Variants in LINGO2 observed in about 807,000 individuals in gnomAD.
LINGO2 encodes the protein leucine-rich repeat and immunoglobulin-like domain-containing nogo receptor-interacting protein 2.
In LINGO2, 14 loss-of-function variants were observed where a neutral mutation model predicts 30.6. The ratio of observed to expected loss-of-function variants is 0.46; its 90% CI spans 0.30 to 0.72. The LOEUF is 0.72. LINGO2 is among the 30% of genes least tolerant of loss of function. LINGO2 has a pLI of 0.07. For synonymous variants in LINGO2, 317 were observed against 288.5 expected (o/e 1.10, Z -1.00); for missense variants, 729 against 751.7 (o/e 0.97, Z 0.35).
intron 4 of LINGO2, among the ~76,000 whole-genome samples, chr9:28,180,276 C>T (rs182145436): frequency 2.0e-4 from 30 of 152,148 alleles, no homozygotes; most frequent in African/African-American, 6.0e-4. Context: ...TATCTTCAAG[C>T]GATAAGGAAG....
chr9:28,497,911 G>T (rs528660403), intron 1 of LINGO2, among the ~76,000 whole-genome samples: 2 of 152,196 alleles, frequency 1.3e-5, no homozygotes, highest in African/African-American at 2.4e-5. Context: ...GCTGGAGTTT[G>T]CTGGAGGTCC....
the LINGO2 span, among the ~76,000 whole-genome samples, chr9:28,701,256 C>A: frequency 4.6e-5 from 7 of 151,846 alleles, no homozygotes; most frequent in African/African-American, 1.5e-4. Flanking sequence ...TAAATGATCT[C>A]CTATGTTATC....
At chr9:28,545,423 C>T (rs191045756) in intron 1 of LINGO2, among the ~76,000 whole-genome samples, 6 of 151,926 alleles carry the variant, frequency 3.9e-5, no homozygotes, top group East Asian at 3.9e-4. Flanking sequence ...GGATGGTTAC[C>T]CATTTGCAAC....
intron 4 of LINGO2, among the ~76,000 whole-genome samples, chr9:28,086,346 ATATT>A (rs1825914239): frequency 6.6e-6 from 1 of 151,986 alleles, no homozygotes. Flanking sequence ...GGAAAAGCCT[ATATT>A]TCATTGTTCT....
the LINGO2 span, among the ~76,000 whole-genome samples, chr9:29,174,899 T>C: frequency 1.3e-5 from 2 of 152,210 alleles, no homozygotes; most frequent in Admixed American, 6.5e-5. Context: ...GTAGTAGTTA[T>C]GGAATGGGCC....
chr9:28,214,300 A>T (rs1260614434), intron 4 of LINGO2, among the ~76,000 whole-genome samples: 1 of 151,642 alleles, frequency 6.6e-6, no homozygotes, highest in Non-Finnish European at 1.5e-5. Flanking sequence ...TAATAGTGAA[A>T]GTTGTACAGG....
At chr9:29,092,951 CATA>C in the LINGO2 span, among the ~76,000 whole-genome samples, 2 of 129,054 alleles carry the variant, frequency 1.5e-5, 1 homozygote, top group Admixed American at 1.6e-4. Flanking sequence ...AGAAAAAAGT[CATA>C]AGATATGCCA....
At chr9:29,020,504 T>A in the LINGO2 span, among the ~76,000 whole-genome samples, 1 of 152,254 alleles carries the variant, frequency 6.6e-6, no homozygotes, top group East Asian at 1.9e-4. Flanking sequence ...CTTCTAAAGA[T>A]CTCTAGAATA....
chr9:28,693,878 A>T, the LINGO2 span, among the ~76,000 whole-genome samples: 2 of 152,056 alleles, frequency 1.3e-5, no homozygotes, highest in Non-Finnish European at 2.9e-5. Flanking sequence ...TGTTGGTGAT[A>T]GCACTTACTG....
the LINGO2 span, among the ~76,000 whole-genome samples, chr9:28,779,965 C>A: frequency 1.3e-5 from 2 of 151,962 alleles, no homozygotes; most frequent in Non-Finnish European, 2.9e-5. Flanking sequence ...GTGTTTAATG[C>A]CTTTTTTCTT....
At chr9:29,040,213 G>A in the LINGO2 span, among the ~76,000 whole-genome samples, 16 of 151,944 alleles carry the variant, frequency 1.1e-4, no homozygotes, top group Non-Finnish European at 8.8e-5. Context: ...AGAGATAGCT[G>A]AATTTGAGTA....
chr9:28,818,455 G>A, the LINGO2 span, among the ~76,000 whole-genome samples: 1 of 152,126 alleles, frequency 6.6e-6, no homozygotes, highest in African/African-American at 2.4e-5. Context: ...TACAATCTAG[G>A]CTCACTGCAA....
the LINGO2 span, among the ~76,000 whole-genome samples, chr9:28,912,707 C>T: frequency 1.3e-5 from 2 of 152,126 alleles, no homozygotes; most frequent in African/African-American, 4.8e-5. Context: ...CTCCTTATTA[C>T]CTCAGTCTTG....
intron 3 of LINGO2, among the ~76,000 whole-genome samples, chr9:28,304,116 T>C (rs1004940118): frequency 6.6e-6 from 1 of 152,058 alleles, no homozygotes; most frequent in African/African-American, 2.4e-5. Flanking sequence ...TTGTGAGATG[T>C]GGATCTCCTT....
the LINGO2 span, among the ~76,000 whole-genome samples, chr9:28,900,934 A>C: frequency 1.3e-5 from 2 of 152,244 alleles, no homozygotes; most frequent in African/African-American, 4.8e-5. Context: ...TGACGAAAGT[A>C]AGAAATTGGA....
At chr9:27,949,586 G>T in exon 6 of LINGO2, 1 of 1,614,066 alleles carries the variant, frequency 6.2e-7, no homozygotes. Context: ...TCCAGAGAAG[G>T]CGGCAGTCAC....
intron 1 of LINGO2, among the ~76,000 whole-genome samples, chr9:28,612,845 G>A (rs970959276): frequency 1.4e-4 from 21 of 152,100 alleles, no homozygotes; most frequent in African/African-American, 5.1e-4. Context: ...GGGAGCCAGG[G>A]GGTGAAATGA....
At chr9:28,163,778 A>G (rs1322298926) in intron 4 of LINGO2, among the ~76,000 whole-genome samples, 1 of 152,192 alleles carries the variant, frequency 6.6e-6, no homozygotes, top group Non-Finnish European at 1.5e-5. Flanking sequence ...CCCCACATCT[A>G]CAGCCCAATT....
the LINGO2 span, among the ~76,000 whole-genome samples, chr9:28,685,170 T>C: frequency 6.6e-6 from 1 of 152,196 alleles, no homozygotes; most frequent in Admixed American, 6.5e-5. Context: ...CATTCTTTTT[T>C]ATGATTGCAT....
Sources: allele counts gnomAD v4.1 joint callset (sites outside exome capture counted in the v4.1 genomes callset), GRCh38; gene constraint gnomAD v4.1.1; transcripts MANE v1.5; gene names NCBI Gene and HGNC (gene_info 2026-07-23, HGNC 2026-07-21).